The following SCN2A variants were observed in gnomAD, a reference collection of about 807,000 sequenced individuals.
The protein encoded by SCN2A is sodium channel protein type 2 subunit alpha.
A neutral mutation model predicts 188.7 loss-of-function variants in SCN2A; 20 were observed. That is an observed-to-expected ratio of 0.11 (90% CI 0.07 to 0.15). The LOEUF (loss-of-function observed/expected upper bound fraction) is 0.15. Among genes scored for constraint, SCN2A ranks in the 10% least tolerant of loss-of-function variants. The pLI is 1.00. For synonymous variants in SCN2A, 804 were observed against 833.1 expected (o/e 0.97, Z 0.60); for missense variants, 1,278 against 2,445.0 (o/e 0.52, Z 10.07).
chr2:165,256,838 C>T (rs1352823481), intron 1 of SCN2A, among the ~76,000 whole-genome samples: 1 of 152,068 alleles, frequency 6.6e-6, no homozygotes, highest in Non-Finnish European at 1.5e-5. Flanking sequence ...AGAAGATACT[C>T]TATGCTGTAT....
At chr2:165,276,960 G>A (rs189722527) in intron 1 of SCN2A, among the ~76,000 whole-genome samples, 2 of 152,246 alleles carry the variant, frequency 1.3e-5, no homozygotes, top group East Asian at 1.9e-4. Flanking sequence ...CGGATCACGA[G>A]GTCAGGAGAT....
chr2:165,379,963 G>C (rs2105383251), intron 23 of SCN2A, among the ~76,000 whole-genome samples: 1 of 151,894 alleles, frequency 6.6e-6, no homozygotes, highest in Admixed American at 6.6e-5. Flanking sequence ...AGTCCCTACT[G>C]AATAGGATAA....
intron 17 of SCN2A, among the ~76,000 whole-genome samples, chr2:165,364,346 C>T (rs1312077170): frequency 1.3e-5 from 2 of 152,112 alleles, no homozygotes; most frequent in African/African-American, 2.4e-5. Flanking sequence ...AAGAATGGAC[C>T]GACCTGGCTA....
intron 1 of SCN2A, 95 bp downstream of exon 1, chr2:165,239,735 A>G (rs923241992): frequency 1.9e-6 from 1 of 522,664 alleles, no homozygotes; most frequent in Non-Finnish European, 2.5e-6. Context: ...GTTAGCTTGT[A>G]TTCAGATCTA....
chr2:165,278,709 A>AG (rs796743139), intron 1 of SCN2A, among the ~76,000 whole-genome samples: 1 of 152,150 alleles, frequency 6.6e-6, no homozygotes, highest in African/African-American at 2.4e-5. Flanking sequence ...AGGCCAAGGC[A>AG]GGGGGATTAC....
chr2:165,364,253 G>A (rs1157974591), intron 17 of SCN2A, among the ~76,000 whole-genome samples: 1 of 152,078 alleles, frequency 6.6e-6, no homozygotes, highest in African/African-American at 2.4e-5. Flanking sequence ...TTCCTGTGTG[G>A]CACTCACACC....
chr2:165,344,995 A>G (rs1424398116), intron 16 of SCN2A, 84 bp downstream of exon 16: 8 of 1,565,514 alleles, frequency 5.1e-6, no homozygotes, highest in Middle Eastern at 2.0e-4. Flanking sequence ...AATATTTTGT[A>G]TTTTTTAAAT....
chr2:165,294,004 G>A (rs1696351693), intron 1 of SCN2A: 1 of 116,574 alleles, frequency 8.6e-6, no homozygotes, highest in Non-Finnish European at 1.3e-5. Flanking sequence ...GTCTTTGAAG[G>A]AGAATTAAAA....
chr2:165,342,233 G>A (rs918538837), intron 14 of SCN2A, 63 bp from the exon 15 acceptor site: 209 of 1,471,132 alleles, frequency 1.4e-4, no homozygotes, highest in Middle Eastern at 4.5e-4. Flanking sequence ...AAATTAAGTT[G>A]CTCAATAATT....
rs1701940772 is a variant in SCN2A, at chr2:165,387,589, C to G, written c.4822+573C>G. Among the ~76,000 whole-genome samples the G allele has an allele frequency of 2.6e-5, 4 of 152,112 alleles. No homozygotes were observed. In the South Asian group the frequency reaches 8.3e-4, roughly 32 times the overall value. On this transcript the variant is annotated intron_variant, in intron 26 of 26. Coordinates refer to ENST00000375437, the MANE Select transcript of SCN2A (RefSeq NM_001040142.2). Reference sequence around the variant, plus strand: ...AACAGATTTGTTATCATCAATGATACATTAATGTTAGGATACATACATACA... The same window carrying G: ...AACAGATTTGTTATCATCAATGATAGATTAATGTTAGGATACATACATACA...
rs758703434 is a variant in SCN2A, at chr2:165,374,881, T to C, written c.4169T>C (p.Ile1390Thr). ...VNNYSECKAL[I>T]ESNQTARWKN... Reference sequence around the variant, plus strand: ...AACTACAGTGAGTGCAAAGCTCTCATTGAGAGCAATCAAACTGCCAGGTGG... The same window carrying C: ...AACTACAGTGAGTGCAAAGCTCTCACTGAGAGCAATCAAACTGCCAGGTGG... Residue 1390 changes from isoleucine (I) to threonine (T), a missense_variant, in exon 22 of 27, where the codon ATT becomes ACT. Physicochemically the swap from Ile to Thr is moderately conservative, Grantham distance 89 (BLOSUM62 -1). This residue lies in a region of SCN2A where 32 missense variants were observed against 42.5 expected (regional missense o/e 0.75). Coordinates refer to ENST00000375437, the MANE Select transcript of SCN2A (RefSeq NM_001040142.2). The C allele has an allele frequency of 3.1e-6, 5 of 1,612,786 alleles. No individual in the cohort carries two copies. The highest frequency in any genetic ancestry group is 4.2e-6 in the Non-Finnish European group (5 of 1,178,930).
At chr2:165,255,478 C>T (rs989424955) in intron 1 of SCN2A, among the ~76,000 whole-genome samples, 4 of 152,040 alleles carry the variant, frequency 2.6e-5, no homozygotes, top group African/African-American at 9.7e-5. Flanking sequence ...TATAACCTTA[C>T]TAACCACGAT....
intron 1 of SCN2A, among the ~76,000 whole-genome samples, chr2:165,288,625 G>C (rs774157001): frequency 2.9e-4 from 44 of 151,484 alleles, no homozygotes; most frequent in Admixed American, 5.9e-4. Context: ...CTCTACAGCA[G>C]AAAAACACGT....
intron 17 of SCN2A, among the ~76,000 whole-genome samples, chr2:165,363,214 T>C (rs190515880): frequency 7.9e-5 from 12 of 152,210 alleles, no homozygotes; most frequent in South Asian, 2.1e-4. Flanking sequence ...TATTAAGACC[T>C]GTAACATACT....
intron 17 of SCN2A, among the ~76,000 whole-genome samples, chr2:165,356,867 T>C (rs553738853): frequency 6.6e-6 from 1 of 152,310 alleles, no homozygotes; most frequent in Non-Finnish European, 1.5e-5. Flanking sequence ...TTAAGCTTTT[T>C]GATTTGTTTT....
In SCN2A at chr2:165,307,893, A is replaced by G. The variant is rs757533588; in HGVS notation, c.432A>G (p.Val144=). ...TGTGCACGATTCTTACCAACTGTGT[A>G]TTTATGACCATGAGTAACCCTCCAG... ...LIMCTILTNC[V]FMTMSNPPDW... The change falls in exon 4 of 27, where the codon GTA becomes GTG. Residue 144 remains valine, a synonymous_variant. Transcript: ENST00000375437. The G allele has an allele frequency of 2.5e-6, 4 of 1,611,532 alleles. No homozygotes were observed. The Admixed American group carries it at 5.0e-5, about 20-fold the overall frequency.
intron 17 of SCN2A, among the ~76,000 whole-genome samples, chr2:165,359,289 A>G: frequency 6.6e-6 from 1 of 152,138 alleles, no homozygotes; most frequent in East Asian, 1.9e-4. Flanking sequence ...TTATGTATTA[A>G]TTCTTCAGAA....
intron 1 of SCN2A, among the ~76,000 whole-genome samples, chr2:165,278,722 G>A (rs943529194): frequency 6.6e-6 from 1 of 152,140 alleles, no homozygotes. Context: ...GGGATTACTT[G>A]AGCCAGGAGA....
chr2:165,375,208 A>G (rs1451651342), intron 22 of SCN2A, among the ~76,000 whole-genome samples: 3 of 152,030 alleles, frequency 2.0e-5, no homozygotes, highest in Non-Finnish European at 2.9e-5. Context: ...TAGAACCACT[A>G]TGTGATCCAA....
Sources: allele counts gnomAD v4.1 joint callset (sites outside exome capture counted in the v4.1 genomes callset), GRCh38; gene constraint gnomAD v4.1.1; regional missense constraint gnomAD v4.1.1; transcripts MANE v1.5; gene names NCBI Gene and HGNC (gene_info 2026-07-23, HGNC 2026-07-21).